The following PHF21B variants were observed in gnomAD, a reference collection of about 807,000 sequenced individuals.
The protein encoded by PHF21B is PHD finger protein 4.
A neutral mutation model predicts 62.2 loss-of-function variants in PHF21B; 22 were observed. That is an observed-to-expected ratio of 0.35 (90% CI 0.25 to 0.51). The LOEUF is 0.51. Among genes scored for constraint, PHF21B ranks in the 20% least tolerant of loss-of-function variants. PHF21B has a pLI of 0.97. For missense variants in PHF21B, 701 were observed against 707.9 expected, an observed-to-expected ratio of 0.99 and a Z score of 0.11; for synonymous variants, 341 against 314.7, an observed-to-expected ratio of 1.08 and a Z score of -0.88.
At position 44,937,462 on chromosome 22, in the gene PHF21B, T is replaced by C. The variant is rs149760604; in HGVS notation, c.121-16972A>G. 1.2e-3 allele frequency among the ~76,000 whole-genome samples: 190 copies of C among 152,256 alleles called. 2 individuals are homozygous for C. The highest frequency in any genetic ancestry group is 4.4e-3 in the African/African-American group (182 of 41,538). Reference sequence around the variant, plus strand: ...TGGGCCATCACGGAGTAGCCGGGTCTCTCACAAACCACTGCAGGAGTGGGA... The same window carrying C: ...TGGGCCATCACGGAGTAGCCGGGTCCCTCACAAACCACTGCAGGAGTGGGA... On this transcript the variant is annotated intron_variant, in intron 2 of 12. Coordinates refer to ENST00000313237, the MANE Select transcript of PHF21B (RefSeq NM_138415.5).
At chr22:44,979,675 G>A (rs1023140615) in intron 2 of PHF21B, among the ~76,000 whole-genome samples, 3 of 152,188 alleles carry the variant, frequency 2.0e-5, no homozygotes, top group African/African-American at 4.8e-5. Context: ...TCCATTTACC[G>A]GCTGTGTGTG....
At chr22:44,999,957 C>A (rs528824940) in intron 2 of PHF21B, among the ~76,000 whole-genome samples, 1 of 152,268 alleles carries the variant, frequency 6.6e-6, no homozygotes, top group South Asian at 2.1e-4. Flanking sequence ...ACTAATCCTG[C>A]GGCCTCTCGA....
intron 10 of PHF21B, 47 bp downstream of exon 10, chr22:44,887,916 G>A: frequency 7.2e-7 from 1 of 1,387,534 alleles, no homozygotes; most frequent in Non-Finnish European, 9.4e-7. Flanking sequence ...CTACGGTGGG[G>A]ACCTCCATGC....
intron 2 of PHF21B, among the ~76,000 whole-genome samples, chr22:44,980,588 G>A (rs1006513519): frequency 6.6e-6 from 1 of 152,188 alleles, no homozygotes; most frequent in Admixed American, 6.5e-5. Context: ...TGAGTGGTAC[G>A]AAGGAAGCCA....
At chr22:44,982,357 G>A (rs77078045) in intron 2 of PHF21B, among the ~76,000 whole-genome samples, 10,378 of 152,270 alleles carry the variant, frequency 0.068, 411 homozygotes, top group Middle Eastern at 0.14. Context: ...ATCCACTTGG[G>A]GCAGGCACAC....
intron 5 of PHF21B, among the ~76,000 whole-genome samples, chr22:44,906,651 G>A (rs886398632): frequency 1.3e-5 from 2 of 152,206 alleles, no homozygotes; most frequent in Admixed American, 6.5e-5. Context: ...GCCCTGGGTC[G>A]GGAGCCAGAA....
At chr22:45,008,820 C>T in intron 1 of PHF21B, 1 of 1,184,534 alleles carries the variant, frequency 8.4e-7, no homozygotes. Flanking sequence ...ATCGGGGCAG[C>T]TCGCGGGGCG....
At chr22:45,008,932 A>AG (rs1247238746) in intron 1 of PHF21B, 3 of 1,098,636 alleles carry the variant, frequency 2.7e-6, no homozygotes, top group East Asian at 1.0e-4. Flanking sequence ...GTGCCGGGGG[A>AG]GGGGGGAGGA....
At chr22:44,928,241 C>T (rs974796571) in intron 2 of PHF21B, among the ~76,000 whole-genome samples, 5 of 152,176 alleles carry the variant, frequency 3.3e-5, no homozygotes, top group Admixed American at 2.0e-4. Context: ...TCACCCCATA[C>T]GGCAACACCA....
intron 2 of PHF21B, among the ~76,000 whole-genome samples, chr22:44,995,451 T>C (rs959949924): frequency 6.6e-6 from 1 of 152,176 alleles, no homozygotes; most frequent in Non-Finnish European, 1.5e-5. Context: ...AATGCATTTG[T>C]GTTCCACTTA....
chr22:44,983,233 CAAAAAAAAA>C (rs59497234), intron 2 of PHF21B, among the ~76,000 whole-genome samples: 106,581 of 149,272 alleles, frequency 0.71, 38,493 homozygotes, highest in East Asian at 0.87. Context: ...GACTCTGTCT[CAAAAAAAAA>C]AAAAAAAAAA....
intron 2 of PHF21B, among the ~76,000 whole-genome samples, chr22:44,983,200 C>T: frequency 6.6e-6 from 1 of 151,190 alleles, no homozygotes; most frequent in Admixed American, 6.6e-5. Flanking sequence ...TGCCACTGCA[C>T]TCCAGCCTGG....
chr22:44,969,637 G>A (rs925983890), intron 2 of PHF21B, among the ~76,000 whole-genome samples: 1 of 152,106 alleles, frequency 6.6e-6, no homozygotes, highest in Admixed American at 6.6e-5. Context: ...CTGCACTCCA[G>A]CCTGGGTCAT....
At chr22:44,902,600 T>C (rs2071179818) in intron 5 of PHF21B, 1 of 153,066 alleles carries the variant, frequency 6.5e-6, no homozygotes, top group Non-Finnish European at 1.5e-5. Context: ...TTTATTATTT[T>C]TCATGAATAA....
chr22:44,920,805 A>G (rs1398115347), intron 2 of PHF21B, among the ~76,000 whole-genome samples: 1 of 152,220 alleles, frequency 6.6e-6, no homozygotes, highest in Non-Finnish European at 1.5e-5. Context: ...CTTTCACTTA[A>G]GGACAAGGTG....
At chr22:45,005,408 G>A (rs943647353) in intron 2 of PHF21B, among the ~76,000 whole-genome samples, 2 of 152,112 alleles carry the variant, frequency 1.3e-5, no homozygotes, top group African/African-American at 4.8e-5. Context: ...CAAATAGCAA[G>A]GTCCTATGTA....
intron 2 of PHF21B, among the ~76,000 whole-genome samples, chr22:45,004,557 A>C (rs2073279682): frequency 6.6e-6 from 1 of 152,224 alleles, no homozygotes; most frequent in African/African-American, 2.4e-5. Context: ...ATACTGTTTC[A>C]ACAATGAGAA....
At chr22:44,942,413 CCTGA>C (rs2071976323) in intron 2 of PHF21B, among the ~76,000 whole-genome samples, 1 of 152,198 alleles carries the variant, frequency 6.6e-6, no homozygotes, top group East Asian at 1.9e-4. Context: ...CTCGCCAATT[CCTGA>C]CTAACCCCAC....
At chr22:44,883,354 C>A in intron 12 of PHF21B, 50 bp from the exon 13 acceptor site, 1 of 1,566,572 alleles carries the variant, frequency 6.4e-7, no homozygotes, top group Non-Finnish European at 8.7e-7. Flanking sequence ...GGCTCTACAG[C>A]CATCCTGGGG....
Sources: allele counts gnomAD v4.1 joint callset (sites outside exome capture counted in the v4.1 genomes callset), GRCh38; gene constraint gnomAD v4.1.1; transcripts MANE v1.5; gene names NCBI Gene and HGNC (gene_info 2026-07-23, HGNC 2026-07-21).